The following SLCO5A1 variants were observed in gnomAD, a reference collection of about 807,000 sequenced individuals.
SLCO5A1 encodes the protein organic anion transporter polypeptide-related protein 4.
A neutral mutation model predicts 65.1 loss-of-function variants in SLCO5A1; 39 were observed. The ratio of observed to expected loss-of-function variants is 0.60; its 90% CI spans 0.46 to 0.78. The LOEUF (loss-of-function observed/expected upper bound fraction) is 0.78. Ranked by LOEUF, SLCO5A1 falls within the 30% of genes least tolerant of loss-of-function variation. SLCO5A1 has a pLI of 0.00. For missense variants in SLCO5A1, 1,029 were observed against 1,069.4 expected (o/e 0.96, Z 0.53); for synonymous variants, 438 against 415.7 (o/e 1.05, Z -0.65).
chr8:69,769,168 T>C (rs960936713), intron 2 of SLCO5A1, among the ~76,000 whole-genome samples: 1 of 152,200 alleles, frequency 6.6e-6, no homozygotes, highest in African/African-American at 2.4e-5. Context: ...GCCCACTGCT[T>C]CACTGAGGAC....
At chr8:69,705,906 T>C (rs1814948896) in intron 5 of SLCO5A1, among the ~76,000 whole-genome samples, 1 of 152,244 alleles carries the variant, frequency 6.6e-6, no homozygotes, top group Non-Finnish European at 1.5e-5. Context: ...GTTGAAGATA[T>C]ACATGCCCTG....
At chr8:69,815,505 A>G (rs1820366277) in intron 2 of SLCO5A1, among the ~76,000 whole-genome samples, 1 of 152,072 alleles carries the variant, frequency 6.6e-6, no homozygotes, top group Admixed American at 6.6e-5. Flanking sequence ...AATCTATCCT[A>G]CAGCTCCTCT....
chr8:69,704,246 T>C (rs13252820), intron 6 of SLCO5A1, among the ~76,000 whole-genome samples: 19,925 of 152,210 alleles, frequency 0.13, 1,420 homozygotes, highest in Non-Finnish European at 0.16. Flanking sequence ...CAGCAGTCCA[T>C]TGGTTACATG....
intron 4 of SLCO5A1, among the ~76,000 whole-genome samples, chr8:69,746,549 T>C (rs1817036891): frequency 6.6e-6 from 1 of 152,146 alleles, no homozygotes; most frequent in African/African-American, 2.4e-5. Flanking sequence ...TAAAATAATG[T>C]GATACTGCCA....
intron 6 of SLCO5A1, among the ~76,000 whole-genome samples, chr8:69,700,045 A>G (rs750303785): frequency 3.3e-5 from 5 of 152,240 alleles, no homozygotes; most frequent in African/African-American, 4.8e-5. Flanking sequence ...GCAGTGAGCC[A>G]TGATCGTGCC....
chr8:69,788,675 T>C (rs1819138630), intron 2 of SLCO5A1, among the ~76,000 whole-genome samples: 1 of 152,200 alleles, frequency 6.6e-6, no homozygotes, highest in Non-Finnish European at 1.5e-5. Context: ...AAACTGATTA[T>C]ACATATAATT....
At chr8:69,808,030 T>C (rs940820685) in intron 2 of SLCO5A1, among the ~76,000 whole-genome samples, 2 of 152,300 alleles carry the variant, frequency 1.3e-5, no homozygotes, top group African/African-American at 4.8e-5. Context: ...TAAGGCTGCA[T>C]AGCATTTCAT....
intron 2 of SLCO5A1, among the ~76,000 whole-genome samples, chr8:69,828,585 G>C (rs1821028259): frequency 6.6e-6 from 1 of 151,444 alleles, no homozygotes; most frequent in South Asian, 2.1e-4. Flanking sequence ...CTGGGCGACA[G>C]AGCGAGACTC....
intron 4 of SLCO5A1, among the ~76,000 whole-genome samples, chr8:69,752,370 G>A (rs916936940): frequency 6.6e-6 from 1 of 151,612 alleles, no homozygotes; most frequent in South Asian, 2.1e-4. Flanking sequence ...ATTTTTTAAG[G>A]CAAGACCTCA....
chr8:69,713,100 G>T (rs910834875), intron 5 of SLCO5A1, among the ~76,000 whole-genome samples: 1 of 152,180 alleles, frequency 6.6e-6, no homozygotes, highest in Non-Finnish European at 1.5e-5. Context: ...TGCAGAGTAC[G>T]ATATCAGTCT....
intron 5 of SLCO5A1, among the ~76,000 whole-genome samples, chr8:69,735,094 G>A (rs1177679775): frequency 6.6e-6 from 1 of 152,126 alleles, no homozygotes; most frequent in Non-Finnish European, 1.5e-5. Flanking sequence ...GATTATTAGA[G>A]AAATGCAAAT....
chr8:69,798,703 C>A (rs1167178851), intron 2 of SLCO5A1, among the ~76,000 whole-genome samples: 2 of 152,128 alleles, frequency 1.3e-5, no homozygotes, highest in African/African-American at 2.4e-5. Flanking sequence ...GACACAGATC[C>A]AAGCCATAGC....
At chr8:69,784,076 T>C (rs1164709576) in intron 2 of SLCO5A1, among the ~76,000 whole-genome samples, 1 of 152,192 alleles carries the variant, frequency 6.6e-6, no homozygotes, top group Non-Finnish European at 1.5e-5. Context: ...TAAGATCTTT[T>C]TTTAACCTAA....
intron 2 of SLCO5A1, among the ~76,000 whole-genome samples, chr8:69,796,334 C>G (rs1377122883): frequency 6.6e-6 from 1 of 151,716 alleles, no homozygotes; most frequent in Non-Finnish European, 1.5e-5. Flanking sequence ...AATTCCAGGG[C>G]CAGGTGCAGT....
chr8:69,677,645 T>C (rs1471207404), intron 8 of SLCO5A1, among the ~76,000 whole-genome samples: 1 of 152,208 alleles, frequency 6.6e-6, no homozygotes. Flanking sequence ...TATCTGCTGC[T>C]GGAAGAACTG....
At chr8:69,739,635 T>A (rs1816712850) in intron 4 of SLCO5A1, among the ~76,000 whole-genome samples, 1 of 152,168 alleles carries the variant, frequency 6.6e-6, no homozygotes, top group Admixed American at 6.5e-5. Context: ...TTAAGACTGC[T>A]CACTGTCATC....
At chr8:69,768,432 A>G (rs889721968) in intron 2 of SLCO5A1, among the ~76,000 whole-genome samples, 7 of 152,250 alleles carry the variant, frequency 4.6e-5, no homozygotes, top group Non-Finnish European at 7.4e-5. Context: ...ACAGACTTAG[A>G]CTTATATAGA....
chr8:69,693,424 A>G (rs1814360884), intron 6 of SLCO5A1, among the ~76,000 whole-genome samples: 2 of 152,228 alleles, frequency 1.3e-5, no homozygotes, highest in South Asian at 4.1e-4. Flanking sequence ...TGGGTCAGTC[A>G]TTAAGTCTTT....
chr8:69,783,242 C>G lies in SLCO5A1; in HGVS notation c.908-21367G>C, dbSNP rs1818876009. 2.0e-5 allele frequency among the ~76,000 whole-genome samples: 3 copies of G among 151,968 alleles called. No individual in the cohort carries two copies. In the South Asian group the frequency reaches 6.2e-4, roughly 32 times the overall value. ...AAAAATATAGAAAGAATGAATAAGA[C>G]CTACTATTTGATAGCATAATAGGAT... On this transcript the variant is annotated intron_variant, in intron 2 of 9. Coordinates refer to ENST00000260126, the MANE Select transcript of SLCO5A1 (RefSeq NM_030958.3).
Sources: allele counts gnomAD v4.1 joint callset (sites outside exome capture counted in the v4.1 genomes callset), GRCh38; gene constraint gnomAD v4.1.1; transcripts MANE v1.5; gene names NCBI Gene and HGNC (gene_info 2026-07-23, HGNC 2026-07-21).